LCP1: variants seen among roughly 807,000 people sequenced by gnomAD.
LCP1 encodes the protein plastin-2.
A neutral mutation model predicts 72.0 loss-of-function variants in LCP1; 23 were observed. The ratio of observed to expected loss-of-function variants is 0.32; its 90% CI spans 0.23 to 0.45. The LOEUF is 0.45. Ranked by LOEUF, LCP1 falls within the 20% of genes least tolerant of loss-of-function variation. The pLI is 1.00. For missense variants in LCP1, 571 were observed against 748.3 expected, an observed-to-expected ratio of 0.76 and a Z score of 2.76; for synonymous variants, 245 against 275.4, an observed-to-expected ratio of 0.89 and a Z score of 1.09.
chr13:46,176,875 T>TTGTGTGTGTGTG (rs58990974), intron 1 of LCP1, among the ~76,000 whole-genome samples: 94 of 143,848 alleles, frequency 6.5e-4, no homozygotes, highest in African/African-American at 2.2e-3. Flanking sequence ...GTGTGTTTAT[T>TTGTGTGTGTGTG]TGTGTGTGTG....
intron 15 of LCP1, among the ~76,000 whole-genome samples, chr13:46,129,211 T>C (rs933396904): frequency 6.6e-6 from 1 of 152,216 alleles, no homozygotes; most frequent in Non-Finnish European, 1.5e-5. Context: ...CACCCCTTTT[T>C]CTAAGTAATT....
In LCP1 at chr13:46,166,541, T is replaced by C. The variant is rs909186537; in HGVS notation, c.-24-6855A>G. Among the ~76,000 whole-genome samples the C allele has an allele frequency of 2.0e-5, 3 of 152,186 alleles. No homozygotes were observed. The East Asian group carries it at 5.8e-4, about 29-fold the overall frequency. On this transcript the variant is annotated intron_variant, in intron 1 of 15. Transcript: ENST00000323076. ...ACTCAAGTTCCTAGCTCTGCCTCAA[T>C]AAATTTCAGTACATTTCCAGAGGGG...
Position 46,152,954 on chromosome 13 carries a change from G to A in LCP1, c.574-9C>T, listed in dbSNP as rs764850304. 5.6e-6 allele frequency: 9 copies of A among 1,602,344 alleles called. No homozygotes were observed. The highest frequency in any genetic ancestry group is 1.8e-5 in the Admixed American group (1 of 56,706). On this transcript the variant is annotated splice_polypyrimidine_tract_variant and intron_variant, in intron 6 of 15. Coordinates refer to ENST00000323076, the MANE Select transcript of LCP1 (RefSeq NM_002298.5). Reference sequence around the variant, plus strand: ...GCCAAGTTCAGATTTTCCTGAGGGAGAAAATGTATGCAAGTTTTTGTTCTA... The same window carrying A: ...GCCAAGTTCAGATTTTCCTGAGGGAAAAAATGTATGCAAGTTTTTGTTCTA...
intron 4 of LCP1, among the ~76,000 whole-genome samples, chr13:46,158,006 C>T (rs1335159382): frequency 2.0e-5 from 3 of 152,112 alleles, no homozygotes; most frequent in Non-Finnish European, 2.9e-5. Flanking sequence ...GGATTACACG[C>T]GTGAGCCACT....
chr13:46,138,893 C>T (rs532184273), intron 13 of LCP1, among the ~76,000 whole-genome samples: 3 of 152,084 alleles, frequency 2.0e-5, no homozygotes, highest in Admixed American at 1.3e-4. Flanking sequence ...GTGATCCACC[C>T]GCCTCGGCCT....
intron 15 of LCP1, among the ~76,000 whole-genome samples, chr13:46,130,527 A>G (rs1305846460): frequency 6.6e-6 from 1 of 151,916 alleles, no homozygotes; most frequent in East Asian, 1.9e-4. Context: ...TGGTTAGGAA[A>G]TTGGTTTTAT....
At chr13:46,157,916 G>T (rs2045813627) in intron 4 of LCP1, among the ~76,000 whole-genome samples, 1 of 151,948 alleles carries the variant, frequency 6.6e-6, no homozygotes. Context: ...CCAGTAGAAC[G>T]GGGTTTCACC....
At chr13:46,136,745 A>G (rs74073588) in intron 13 of LCP1, among the ~76,000 whole-genome samples, 1,967 of 152,254 alleles carry the variant, frequency 0.013, 42 homozygotes, top group African/African-American at 0.043. Context: ...CCTAATGAAC[A>G]TCTGAATTAA....
chr13:46,164,825 G>A (rs545200671), intron 1 of LCP1, among the ~76,000 whole-genome samples: 1 of 152,292 alleles, frequency 6.6e-6, no homozygotes, highest in Admixed American at 6.5e-5. Flanking sequence ...GGAAACTGAA[G>A]TTCTAATGAG....
intron 13 of LCP1, among the ~76,000 whole-genome samples, chr13:46,141,176 G>C (rs1490317507): frequency 6.6e-6 from 1 of 152,070 alleles, no homozygotes; most frequent in Non-Finnish European, 1.5e-5. Flanking sequence ...GGGAGGCTGA[G>C]GCACTCGGAT....
chr13:46,172,581 G>A (rs1264284199), intron 1 of LCP1, among the ~76,000 whole-genome samples: 2 of 152,168 alleles, frequency 1.3e-5, no homozygotes, highest in African/African-American at 4.8e-5. Flanking sequence ...GGTTGGGTGT[G>A]GCTACAGACA....
chr13:46,129,133 T>C (rs1437171950), intron 15 of LCP1, among the ~76,000 whole-genome samples: 1 of 152,204 alleles, frequency 6.6e-6, no homozygotes, highest in African/African-American at 2.4e-5. Flanking sequence ...AAAGGGAGCT[T>C]CAAACAAAAT....
At chr13:46,133,932 T>C (rs918501315) in intron 14 of LCP1, among the ~76,000 whole-genome samples, 195 bp downstream of exon 14, 1 of 152,114 alleles carries the variant, frequency 6.6e-6, no homozygotes, top group African/African-American at 2.4e-5. Context: ...GATTAACTTA[T>C]GGGAGAAAGT....
chr13:46,155,549 C>T (rs1226762195), intron 5 of LCP1, among the ~76,000 whole-genome samples: 2 of 152,128 alleles, frequency 1.3e-5, no homozygotes, highest in African/African-American at 4.8e-5. Context: ...AGTAGAATTG[C>T]TCTGGTCAGA....
At chr13:46,162,203 A>ATC (rs1349903162) in intron 1 of LCP1, among the ~76,000 whole-genome samples, 1 of 150,588 alleles carries the variant, frequency 6.6e-6, no homozygotes, top group Admixed American at 6.6e-5. Flanking sequence ...TGTTAGACAC[A>ATC]CATCCCATCC....
intron 8 of LCP1, among the ~76,000 whole-genome samples, chr13:46,149,238 G>A (rs114201913): frequency 0.01 from 1,561 of 152,260 alleles, 29 homozygotes; most frequent in African/African-American, 0.035. Flanking sequence ...TTCTACAACT[G>A]GTTAGGGTAG....
chr13:46,131,485 C>A (rs1487420498), intron 14 of LCP1, among the ~76,000 whole-genome samples: 3 of 152,172 alleles, frequency 2.0e-5, no homozygotes, highest in African/African-American at 7.2e-5. Context: ...ACCATTTGAA[C>A]CAGCAATCCC....
At chr13:46,145,625 G>A (rs1265557042) in intron 10 of LCP1, among the ~76,000 whole-genome samples, 1 of 135,100 alleles carries the variant, frequency 7.4e-6, no homozygotes, top group South Asian at 2.1e-4. Flanking sequence ...CTAAAAGAGG[G>A]CAGGCCGGGC....
chr13:46,134,432 G>A (rs56022552), intron 13 of LCP1, among the ~76,000 whole-genome samples, 182 bp from the exon 14 acceptor site: 35 of 152,208 alleles, frequency 2.3e-4, no homozygotes, highest in African/African-American at 6.0e-4. Context: ...AACTTAAGAC[G>A]TGACTTTATG....
Sources: allele counts gnomAD v4.1 joint callset (sites outside exome capture counted in the v4.1 genomes callset), GRCh38; gene constraint gnomAD v4.1.1; transcripts MANE v1.5; gene names NCBI Gene and HGNC (gene_info 2026-07-23, HGNC 2026-07-21).